Variants in SHQ1 observed in about 807,000 individuals in gnomAD.
SHQ1 encodes SHQ1, H/ACA ribonucleoprotein assembly factor.
In SHQ1, 49 loss-of-function variants were observed where a neutral mutation model predicts 53.8. The ratio of observed to expected loss-of-function variants is 0.91; its 90% confidence interval spans 0.72 to 1.16. The LOEUF (loss-of-function observed/expected upper bound fraction) is 1.16. Ranked by LOEUF, SHQ1 falls within the 50% of genes most tolerant of loss-of-function variation. The probability of loss-of-function intolerance (pLI) is 0.00; values close to 1 mark genes in which losing one functional copy is unlikely to be tolerated. For synonymous variants in SHQ1, 243 were observed against 251.0 expected (o/e 0.97, Z 0.30); for missense variants, 738 against 683.1 (o/e 1.08, Z -0.90).
chr3:72,846,390 G>T, intron 1 of SHQ1: 1 of 1,292,650 alleles, frequency 7.7e-7, no homozygotes, highest in Non-Finnish European at 1.1e-6. Context: ...CGCCCCCCAG[G>T]TTCAAGCGAT....
At chr3:72,747,957 C>T (rs1398112863), downstream of SHQ1, among the ~76,000 whole-genome samples, 1 of 151,788 alleles carries the variant, frequency 6.6e-6, no homozygotes, top group Admixed American at 6.6e-5. Context: ...TCACTGCACT[C>T]CAGCCTGAGT....
rs548502864 is a variant in SHQ1, at chr3:72,806,128, G to A, written c.1060+6543C>T. Among the ~76,000 whole-genome samples, 8 of 152,272 alleles carry A rather than the reference G, an allele frequency of 5.3e-5. No individual in the cohort carries two copies. In the South Asian group the frequency reaches 1.7e-3, roughly 32 times the overall value. On this transcript the variant is annotated intron_variant, in intron 9 of 10. Coordinates refer to ENST00000325599, the MANE Select transcript of SHQ1 (RefSeq NM_018130.3). ...AATAATACATATGAATGGGAAGAAT[G>A]TACTAATTTAGGAGACTGGGAACAT...
chr3:72,768,753 C>T (rs756610027), intron 10 of SHQ1, among the ~76,000 whole-genome samples: 27 of 152,182 alleles, frequency 1.8e-4, no homozygotes, highest in Non-Finnish European at 3.5e-4. Context: ...TATAAGCAGC[C>T]TATTTGCTGC....
chr3:72,797,743 A>G (rs1706670891), intron 9 of SHQ1, among the ~76,000 whole-genome samples: 1 of 152,224 alleles, frequency 6.6e-6, no homozygotes, highest in South Asian at 2.1e-4. Context: ...GCAGTTGACA[A>G]TCTAGAATAA....
Position 72,771,111 on chromosome 3 carries a change from C to G in SHQ1, c.1182-20275G>C, listed in dbSNP as rs572836109. Among the ~76,000 whole-genome samples the G allele has an allele frequency of 2.0e-3, 309 of 152,268 alleles. 2 individuals are homozygous for G. The highest frequency in any genetic ancestry group is 3.7e-3 in the Non-Finnish European group (255 of 68,018). On this transcript the variant is annotated intron_variant, in intron 10 of 10. Transcript: ENST00000325599. ...TAGTGGAAGAGTACAAAGTTCTGACCTCAGCCTTCCTCATTTTACATTCTA... is the reference window on the plus strand; with the variant it reads ...TAGTGGAAGAGTACAAAGTTCTGACGTCAGCCTTCCTCATTTTACATTCTA...
chr3:72,751,529 T>TATATATATATACACAC lies in SHQ1; in HGVS notation c.1182-694_1182-693insGTGTGTATATATATAT, dbSNP rs1491584090. On this transcript the variant is annotated intron_variant, in intron 10 of 10. Transcript: ENST00000325599. ...GTGTGTATATATATATATATATATA[T>TATATATATATACACAC]ACATATACATACACTAATAAAGCCT... is the stretch of plus-strand genomic sequence containing the variant. 3.0e-4 allele frequency among the ~76,000 whole-genome samples: 41 copies of TATATATATATACACAC among 138,028 alleles called. 2 individuals carry two copies. The highest frequency in any genetic ancestry group is 1.2e-3 in the African/African-American group (41 of 34,012). 90.6% of individuals were successfully genotyped at this position (138,028 alleles called of 152,430 possible).
At chr3:72,828,833 C>T (rs988252077) in intron 5 of SHQ1, among the ~76,000 whole-genome samples, 1 of 152,010 alleles carries the variant, frequency 6.6e-6, no homozygotes, top group African/African-American at 2.4e-5. Context: ...AGAGAAATTG[C>T]GATGACACAC....
At chr3:72,761,412 C>A (rs1198336446) in intron 10 of SHQ1, among the ~76,000 whole-genome samples, 1 of 152,142 alleles carries the variant, frequency 6.6e-6, no homozygotes, top group Non-Finnish European at 1.5e-5. Flanking sequence ...GCTCAAGCGA[C>A]CCTCCTGCCC....
chr3:72,814,943 C>T (rs1387324160), intron 8 of SHQ1, among the ~76,000 whole-genome samples: 5 of 152,070 alleles, frequency 3.3e-5, no homozygotes, highest in Non-Finnish European at 7.3e-5. Context: ...TACATATACA[C>T]ATATATATAA....
chr3:72,824,990 A>C (rs1423414898), intron 5 of SHQ1, among the ~76,000 whole-genome samples: 2 of 151,986 alleles, frequency 1.3e-5, no homozygotes. Context: ...TCATAGAAAC[A>C]GGGTCTTGCT....
rs776205591 is a variant in SHQ1, at chr3:72,817,370, C to T, written c.742G>A (p.Glu248Lys). The change falls in exon 7 of 11, where the codon GAA becomes AAA. Residue 248 changes from glutamate to lysine, a missense_variant. Coordinates refer to ENST00000325599, the MANE Select transcript of SHQ1 (RefSeq NM_018130.3). Reference protein sequence around the residue: ...NHATLVSFSEEEKYQLRKFVN... With the variant: ...NHATLVSFSEKEKYQLRKFVN... ...AATTTTCGTAGCTGATACTTCTCTT[C>T]TTCAGAAAAAGACACTAGAAGAAAA... The T allele has an allele frequency of 8.1e-6, 13 of 1,609,500 alleles. No homozygotes were observed. Among genetic ancestry groups the T allele is most frequent in the Non-Finnish European group, 1.1e-5 (13 of 1,177,588 alleles).
rs1559660375 is a variant in SHQ1 at position 72,759,466 on chromosome 3, GGA to G, written c.1182-8632_1182-8631del. 4.7e-3 allele frequency among the ~76,000 whole-genome samples: 715 copies of G among 152,240 alleles called. 2 individuals are homozygous for G. Among genetic ancestry groups the G allele is most frequent in the African/African-American group, 0.015 (625 of 41,516 alleles). On this transcript the variant is annotated intron_variant, in intron 10 of 10. Coordinates refer to ENST00000325599, the MANE Select transcript of SHQ1 (RefSeq NM_018130.3). ...AGCACTTTGGGAGGCCAAGGTGGGC[GGA>G]TCACTTGAGGTCAGGAGTTCGAGAC...
In SHQ1 at chr3:72,750,576, T is replaced by C. The variant is rs767180976; in HGVS notation, c.1442A>G (p.Lys481Arg). 2 of 1,614,216 alleles carry C rather than the reference T, an allele frequency of 1.2e-6. No homozygotes were observed. Among genetic ancestry groups the C allele is most frequent in the African/African-American group, 1.3e-5 (1 of 75,062 alleles). Reference sequence around the variant, plus strand: ...ACTGACTGTCTCAGATGGACTATCTTTGAGTTCATCTTGTTCTGAATCTGA... The same window carrying C: ...ACTGACTGTCTCAGATGGACTATCTCTGAGTTCATCTTGTTCTGAATCTGA... ...SGSDSEQDEL[K>R]DSPSETVSSL... Residue 481 changes from lysine to arginine, a missense_variant, in exon 11 of 11, where the codon AAA (lysine) becomes AGA (arginine). Lys to Arg is a conservative substitution (Grantham distance 26, BLOSUM62 2). Coordinates refer to ENST00000325599, the MANE Select transcript of SHQ1 (RefSeq NM_018130.3).
At chr3:72,740,996 T>C in the SHQ1 span, among the ~76,000 whole-genome samples, 852 of 152,330 alleles carry the variant, frequency 5.6e-3, 7 homozygotes, top group African/African-American at 0.02. Flanking sequence ...CCAATTCAAA[T>C]TTCCGGGAGC....
At chr3:72,725,933 C>T in the SHQ1 span, among the ~76,000 whole-genome samples, 42 of 152,092 alleles carry the variant, frequency 2.8e-4, no homozygotes, top group Non-Finnish European at 4.9e-4. Flanking sequence ...AAGCACTTTA[C>T]GCATATTATT....
chr3:72,832,595 A>T (rs1011761741), intron 4 of SHQ1, 114 bp from the exon 5 acceptor site: 2 of 659,572 alleles, frequency 3.0e-6, no homozygotes, highest in African/African-American at 3.6e-5. Flanking sequence ...TCAGTAAACC[A>T]TGATGCCACC....
chr3:72,840,266 GAATA>G (rs1708135342), intron 4 of SHQ1, among the ~76,000 whole-genome samples: 1 of 96,564 alleles, frequency 1.0e-5, no homozygotes, highest in African/African-American at 4.2e-5. Flanking sequence ...AAAAAAAAAA[GAATA>G]AATAAACAAT....
intron 9 of SHQ1, 92 bp from the exon 10 acceptor site, chr3:72,793,128 A>G (rs1278207636): frequency 1.7e-6 from 2 of 1,155,406 alleles, no homozygotes; most frequent in African/African-American, 3.2e-5. Context: ...CAGAATCCTG[A>G]TCATTTCTTA....
the SHQ1 span, among the ~76,000 whole-genome samples, chr3:72,743,640 G>A: frequency 6.6e-6 from 1 of 152,226 alleles, no homozygotes. Flanking sequence ...AGCTAGTAAA[G>A]AGCTGTCGAG....
Sources: gnomAD v4.1 joint callset for allele counts (sites outside exome capture counted in the v4.1 genomes callset) on GRCh38, gnomAD v4.1.1 for gene constraint, MANE v1.5 for transcripts, NCBI Gene and HGNC (gene_info 2026-07-23, HGNC 2026-07-21) for gene names.